The following SUGCT variants were observed in gnomAD, a reference collection of about 807,000 sequenced individuals.
The protein encoded by SUGCT is succinyl-CoA:glutarate CoA-transferase.
SUGCT carries 41 observed loss-of-function variants against 55.0 expected under a neutral mutation model. That is an observed-to-expected ratio of 0.74 (90% CI 0.58 to 0.97). The LOEUF is 0.97. Ranked by LOEUF, SUGCT falls within the 50% of genes least tolerant of loss-of-function variation. The probability of loss-of-function intolerance (pLI) is 0.00; values close to 1 mark genes in which losing one functional copy is unlikely to be tolerated. For missense variants in SUGCT, 568 were observed against 547.8 expected, an observed-to-expected ratio of 1.04 and a Z score of -0.37; for synonymous variants, 187 against 200.4, an observed-to-expected ratio of 0.93 and a Z score of 0.56.
chr7:40,934,971 G>T, the SUGCT span, among the ~76,000 whole-genome samples: 1 of 152,176 alleles, frequency 6.6e-6, no homozygotes, highest in African/African-American at 2.4e-5. Context: ...AGGTACCTCA[G>T]TTGGAAATGC....
At chr7:40,574,352 A>G (rs1796610649) in intron 12 of SUGCT, among the ~76,000 whole-genome samples, 1 of 152,232 alleles carries the variant, frequency 6.6e-6, no homozygotes, top group Admixed American at 6.5e-5. Flanking sequence ...AGACTGTTTT[A>G]ACCTTTATTT....
chr7:40,524,677 G>A (rs1793713407), intron 12 of SUGCT, among the ~76,000 whole-genome samples: 1 of 152,020 alleles, frequency 6.6e-6, no homozygotes. Flanking sequence ...GAAATTTTAA[G>A]GGATTAGTTC....
intron 12 of SUGCT, among the ~76,000 whole-genome samples, chr7:40,683,768 G>A (rs943373754): frequency 3.3e-5 from 5 of 152,208 alleles, no homozygotes; most frequent in Non-Finnish European, 7.3e-5. Flanking sequence ...AGGTAACTGC[G>A]TGAAATGGCT....
intron 9 of SUGCT, among the ~76,000 whole-genome samples, chr7:40,398,853 T>C (rs1367057594): frequency 6.6e-6 from 1 of 152,216 alleles, no homozygotes; most frequent in African/African-American, 2.4e-5. Context: ...AAGGATGACC[T>C]TGGGGCATAG....
chr7:40,527,356 C>T (rs1793859052), intron 12 of SUGCT, among the ~76,000 whole-genome samples: 1 of 152,198 alleles, frequency 6.6e-6, no homozygotes, highest in African/African-American at 2.4e-5. Flanking sequence ...AAAACTCTTT[C>T]AATCAGTTCC....
rs140646356 is a variant in SUGCT, at chr7:40,708,148, G to A, written c.1090-41286G>A. ...GCACCATTTAAAGTGACAGGAAGCA[G>A]AGAGATATATTAGTACTATTGAAGT... On this transcript the variant is annotated intron_variant, in intron 12 of 13. Transcript: ENST00000335693. 8.3e-4 allele frequency among the ~76,000 whole-genome samples: 126 copies of A among 152,300 alleles called. No homozygotes were observed. In the East Asian group the frequency reaches 0.011, roughly 13 times the overall value.
intron 10 of SUGCT, among the ~76,000 whole-genome samples, chr7:40,453,088 G>T (rs1438370147): frequency 6.6e-6 from 1 of 152,100 alleles, no homozygotes; most frequent in Non-Finnish European, 1.5e-5. Context: ...CCGGTGCAAA[G>T]AACATGAAAA....
intron 13 of SUGCT, among the ~76,000 whole-genome samples, chr7:40,843,033 C>CA (rs1350898327): frequency 6.6e-6 from 1 of 152,176 alleles, no homozygotes; most frequent in Non-Finnish European, 1.5e-5. Context: ...TGGTTAAACT[C>CA]AATCAGTCCC....
chr7:40,476,317 CACA>C (rs1424088712), intron 11 of SUGCT, among the ~76,000 whole-genome samples: 1 of 152,086 alleles, frequency 6.6e-6, no homozygotes, highest in Non-Finnish European at 1.5e-5. Flanking sequence ...TTTCCTGCCC[CACA>C]GTGCTTACAG....
chr7:41,017,147 T>C, the SUGCT span, among the ~76,000 whole-genome samples: 2 of 152,196 alleles, frequency 1.3e-5, no homozygotes, highest in African/African-American at 4.8e-5. Flanking sequence ...TTTTTTTTCT[T>C]GCAAAGCAAT....
intron 13 of SUGCT, among the ~76,000 whole-genome samples, chr7:40,803,490 A>G (rs1477956705): frequency 1.3e-5 from 2 of 152,110 alleles, no homozygotes; most frequent in African/African-American, 4.8e-5. Flanking sequence ...GCCTTTAATT[A>G]CCTGCCATGT....
chr7:40,169,770 C>T (rs1784586569), intron 1 of SUGCT, among the ~76,000 whole-genome samples: 1 of 151,622 alleles, frequency 6.6e-6, no homozygotes, highest in Non-Finnish European at 1.5e-5. Context: ...TTGTCCCATT[C>T]TGCCTGCTCC....
chr7:40,322,771 A>G (rs932936558), intron 9 of SUGCT, among the ~76,000 whole-genome samples: 2 of 152,064 alleles, frequency 1.3e-5, no homozygotes, highest in Non-Finnish European at 2.9e-5. Flanking sequence ...TGGGCAACAT[A>G]GTGAGACCTG....
chr7:40,647,304 G>A (rs1349752217), intron 12 of SUGCT, among the ~76,000 whole-genome samples: 1 of 152,132 alleles, frequency 6.6e-6, no homozygotes, highest in African/African-American at 2.4e-5. Context: ...AGACTACTAT[G>A]CCTTGTTTGT....
the SUGCT span, among the ~76,000 whole-genome samples, chr7:40,872,577 T>C: frequency 6.6e-6 from 1 of 152,218 alleles, no homozygotes; most frequent in Admixed American, 6.5e-5. Flanking sequence ...GGCCACAGTT[T>C]ACTCTGATGA....
At chr7:40,575,564 A>G (rs562951599) in intron 12 of SUGCT, among the ~76,000 whole-genome samples, 8 of 151,812 alleles carry the variant, frequency 5.3e-5, no homozygotes, top group Non-Finnish European at 1.0e-4. Flanking sequence ...CAGAAGTCCT[A>G]TTGGTTCATT....
intron 8 of SUGCT, among the ~76,000 whole-genome samples, chr7:40,278,647 T>C (rs1298412770): frequency 6.6e-6 from 1 of 152,134 alleles, no homozygotes; most frequent in Non-Finnish European, 1.5e-5. Flanking sequence ...CCTCCCTTTC[T>C]TCTCATGTGC....
At chr7:40,170,811 C>T (rs1197121814) in intron 1 of SUGCT, among the ~76,000 whole-genome samples, 2 of 152,096 alleles carry the variant, frequency 1.3e-5, no homozygotes, top group Non-Finnish European at 2.9e-5. Flanking sequence ...CCATGGACCT[C>T]TGCTTATCGG....
At chr7:40,745,785 C>G (rs1787703300) in intron 12 of SUGCT, among the ~76,000 whole-genome samples, 1 of 152,212 alleles carries the variant, frequency 6.6e-6, no homozygotes, top group African/African-American at 2.4e-5. Context: ...GAGAAATTCC[C>G]TGCCTTATAT....
Sources: allele counts gnomAD v4.1 joint callset (sites outside exome capture counted in the v4.1 genomes callset), GRCh38; gene constraint gnomAD v4.1.1; transcripts MANE v1.5; gene names NCBI Gene and HGNC (gene_info 2026-07-23, HGNC 2026-07-21).